Variants in PRKCQ observed in about 807,000 individuals in gnomAD.
PRKCQ encodes the protein protein kinase C theta type.
Under a neutral mutation model 91.2 loss-of-function variants are expected in PRKCQ, and 41 were observed. That is an observed-to-expected ratio of 0.45 (90% confidence interval 0.35 to 0.58). The LOEUF (loss-of-function observed/expected upper bound fraction) is 0.58, where lower values mean the gene tolerates loss of function less well. Ranked by LOEUF, PRKCQ falls within the 20% of genes least tolerant of loss-of-function variation. PRKCQ has a pLI of 0.00. For synonymous variants in PRKCQ, 307 were observed against 316.9 expected, an observed-to-expected ratio of 0.97 and a Z score of 0.33; for missense variants, 673 against 896.5, an observed-to-expected ratio of 0.75 and a Z score of 3.18.
At chr10:6,577,397 G>C (rs977403617) in intron 1 of PRKCQ, among the ~76,000 whole-genome samples, 3 of 152,082 alleles carry the variant, frequency 2.0e-5, no homozygotes, top group African/African-American at 4.8e-5. Flanking sequence ...TTAACAATTG[G>C]AATAGGTATG....
the PRKCQ span, among the ~76,000 whole-genome samples, chr10:6,419,197 C>A: frequency 0.88 from 130,388 of 148,524 alleles, 58,568 homozygotes; most frequent in East Asian, 0.99. Flanking sequence ...CTCTCTATCT[C>A]TCTATTTGTC....
chr10:6,574,023 G>A (rs888037748), intron 1 of PRKCQ, among the ~76,000 whole-genome samples: 7 of 152,206 alleles, frequency 4.6e-5, no homozygotes, highest in African/African-American at 1.2e-4. Context: ...GGCTGAGGCC[G>A]GAGGATCCCT....
At chr10:6,570,570 T>C (rs1319536642) in intron 1 of PRKCQ, among the ~76,000 whole-genome samples, 14 of 146,178 alleles carry the variant, frequency 9.6e-5, no homozygotes, top group Non-Finnish European at 1.5e-4. Context: ...TTTTTTTTTT[T>C]CTAAGACAGA....
At chr10:6,492,238 TAAAAA>T (rs5782902) in intron 7 of PRKCQ, among the ~76,000 whole-genome samples, 2 of 147,322 alleles carry the variant, frequency 1.4e-5, no homozygotes. Context: ...TTGGAAGATG[TAAAAA>T]AAAAAAAAAA....
At chr10:6,502,855 A>G (rs1837994893) in intron 4 of PRKCQ, among the ~76,000 whole-genome samples, 2 of 152,104 alleles carry the variant, frequency 1.3e-5, no homozygotes, top group South Asian at 4.1e-4. Flanking sequence ...GAAATAGGTT[A>G]CTCGTGAATG....
At chr10:6,580,469 C>G (rs1266980027), upstream of PRKCQ, 1 of 152,118 alleles carries the variant, frequency 6.6e-6, no homozygotes, top group Non-Finnish European at 1.5e-5. Flanking sequence ...CCCCCGGTCC[C>G]GCGCCCAGGC....
intron 15 of PRKCQ, among the ~76,000 whole-genome samples, chr10:6,453,330 C>G (rs806393): frequency 0.031 from 4,665 of 152,304 alleles, 121 homozygotes; most frequent in African/African-American, 0.073. Context: ...TGCTCATCAT[C>G]ACTGGCCATC....
rs35751269 is a variant in PRKCQ at position 6,479,001 on chromosome 10, G to A, written c.1344C>T (p.Phe448=). ...HPFLTHMFCT[F]QTKENLFFVM... ...GGAGCAGAAGCCATACCTTGGTCTGGAATGTACAAAACATGTGCGTCAGAA... is the reference window on the plus strand; with the variant it reads ...GGAGCAGAAGCCATACCTTGGTCTGAAATGTACAAAACATGTGCGTCAGAA... Residue 448 remains phenylalanine, a synonymous_variant, in exon 12 of 18, where the codon TTC becomes TTT. Transcript: ENST00000263125. 0.018 allele frequency: 29,179 copies of A among 1,614,116 alleles called. 309 individuals are homozygous for A. The highest frequency in any genetic ancestry group is 0.022 in the Non-Finnish European group (25,722 of 1,180,010).
chr10:6,516,187 AAC>A (rs1838745211), intron 1 of PRKCQ, among the ~76,000 whole-genome samples: 1 of 152,246 alleles, frequency 6.6e-6, no homozygotes. Context: ...GAGAATCAGT[AAC>A]ATACCTGGAG....
chr10:6,439,536 C>T (rs764986188), intron 16 of PRKCQ, among the ~76,000 whole-genome samples: 1 of 152,100 alleles, frequency 6.6e-6, no homozygotes, highest in Non-Finnish European at 1.5e-5. Flanking sequence ...CCACCTCCTC[C>T]ACCTCTTTTG....
At chr10:6,514,973 G>T in intron 2 of PRKCQ, 45 bp downstream of exon 2, 2 of 1,611,148 alleles carry the variant, frequency 1.2e-6, no homozygotes, top group East Asian at 4.5e-5. Context: ...TTCATAGCAG[G>T]ATTCTCCTCC....
chr10:6,482,771 A>G (rs1836675018), intron 11 of PRKCQ, among the ~76,000 whole-genome samples: 1 of 152,166 alleles, frequency 6.6e-6, no homozygotes, highest in Admixed American at 6.5e-5. Context: ...AGACAAAGGA[A>G]GAGCAAAGGG....
At chr10:6,526,163 T>G (rs1839189389) in intron 1 of PRKCQ, among the ~76,000 whole-genome samples, 1 of 152,254 alleles carries the variant, frequency 6.6e-6, no homozygotes, top group Non-Finnish European at 1.5e-5. Flanking sequence ...GAAAAATGGC[T>G]GTCCAAATCA....
chr10:6,440,768 C>T (rs1305543647), intron 16 of PRKCQ, among the ~76,000 whole-genome samples: 1 of 152,144 alleles, frequency 6.6e-6, no homozygotes, highest in African/African-American at 2.4e-5. Context: ...GCGGGCAGAT[C>T]CCTTGAGGTC....
chr10:6,438,750 C>A (rs1418684749), intron 16 of PRKCQ, among the ~76,000 whole-genome samples: 3 of 152,260 alleles, frequency 2.0e-5, no homozygotes, highest in Non-Finnish European at 2.9e-5. Flanking sequence ...CGCCAGCCAC[C>A]CTACCTGGCT....
At chr10:6,519,171 G>C (rs1838899605) in intron 1 of PRKCQ, among the ~76,000 whole-genome samples, 1 of 152,230 alleles carries the variant, frequency 6.6e-6, no homozygotes. Flanking sequence ...GGAGCAGATA[G>C]TAGGGGGAAG....
downstream of PRKCQ, among the ~76,000 whole-genome samples, chr10:6,426,674 C>A (rs1254694951): frequency 6.6e-6 from 1 of 152,216 alleles, no homozygotes; most frequent in African/African-American, 2.4e-5. Flanking sequence ...AGCACACCTG[C>A]AGACTGTCAA....
chr10:6,485,884 G>A (rs1471892569), intron 9 of PRKCQ, 151 bp downstream of exon 9: 6 of 612,504 alleles, frequency 9.8e-6, no homozygotes, highest in Non-Finnish European at 1.2e-5. Flanking sequence ...TAGGGGGTGT[G>A]GGCATGGATA....
At chr10:6,491,342 G>A (rs191318332) in intron 8 of PRKCQ, among the ~76,000 whole-genome samples, 94 of 152,306 alleles carry the variant, frequency 6.2e-4, no homozygotes, top group African/African-American at 2.2e-3. Flanking sequence ...GCAGCCCAGA[G>A]CCCACTGAGG....
Sources: allele counts gnomAD v4.1 joint callset (sites outside exome capture counted in the v4.1 genomes callset), GRCh38; gene constraint gnomAD v4.1.1; transcripts MANE v1.5; gene names NCBI Gene and HGNC (gene_info 2026-07-23, HGNC 2026-07-21).